The following KCNN2 variants were observed in gnomAD, a reference collection of about 807,000 sequenced individuals.
KCNN2 encodes potassium calcium-activated channel subfamily N member 2.
KCNN2 carries 24 observed loss-of-function variants against 55.5 expected under a neutral mutation model. That is an observed-to-expected ratio of 0.43 (90% confidence interval 0.31 to 0.61). KCNN2 has a LOEUF of 0.61. Ranked by LOEUF, KCNN2 falls within the 20% of genes least tolerant of loss-of-function variation. The probability of loss-of-function intolerance (pLI) is 0.08; values close to 1 mark genes in which losing one functional copy is unlikely to be tolerated. For synonymous variants in KCNN2, 431 were observed against 336.1 expected (o/e 1.28, Z -3.09); for missense variants, 754 against 853.6 (o/e 0.88, Z 1.45).
At chr5:114,383,435 C>T (rs899231186) in intron 2 of KCNN2, among the ~76,000 whole-genome samples, 1 of 147,092 alleles carries the variant, frequency 6.8e-6, no homozygotes, top group African/African-American at 2.5e-5. Context: ...AGGGAAGATG[C>T]TAGAAGACAT....
intron 1 of KCNN2, among the ~76,000 whole-genome samples, chr5:114,202,595 T>TA (rs1393302554): frequency 5.1e-5 from 7 of 137,368 alleles, no homozygotes; most frequent in African/African-American, 2.1e-4. Context: ...ATTTTTTTTT[T>TA]TTTTTTCCCG....
At chr5:114,418,383 G>A (rs191034234) in intron 3 of KCNN2, among the ~76,000 whole-genome samples, 22 of 152,302 alleles carry the variant, frequency 1.4e-4, no homozygotes, top group African/African-American at 4.6e-4. Flanking sequence ...TCACAGAAAC[G>A]TGACAGGCAT....
At chr5:114,291,954 T>C (rs537422781) in intron 2 of KCNN2, among the ~76,000 whole-genome samples, 170 of 152,358 alleles carry the variant, frequency 1.1e-3, no homozygotes, top group African/African-American at 4.0e-3. Context: ...ATGATGAGCA[T>C]TTTTTCATGT....
intron 1 of KCNN2, among the ~76,000 whole-genome samples, chr5:114,203,104 G>A (rs1363485122): frequency 6.6e-6 from 1 of 152,128 alleles, no homozygotes; most frequent in Non-Finnish European, 1.5e-5. Flanking sequence ...AAGATGCTGT[G>A]GAGCAGTGAA....
At chr5:114,489,623 C>T (rs921560192) in intron 6 of KCNN2, among the ~76,000 whole-genome samples, 4 of 152,176 alleles carry the variant, frequency 2.6e-5, no homozygotes, top group African/African-American at 7.2e-5. Flanking sequence ...GACATTTATA[C>T]TTCTAAAAGT....
At chr5:114,353,760 A>G (rs547289881) in intron 2 of KCNN2, among the ~76,000 whole-genome samples, 18 of 152,086 alleles carry the variant, frequency 1.2e-4, no homozygotes, top group Middle Eastern at 6.8e-3. Context: ...TGAATATACC[A>G]TCCCACTGCC....
intron 2 of KCNN2, among the ~76,000 whole-genome samples, chr5:114,289,885 G>A (rs190708710): frequency 2.1e-4 from 32 of 152,132 alleles, no homozygotes; most frequent in Non-Finnish European, 3.4e-4. Context: ...CATTTTCTTG[G>A]TTAAATTCAT....
At chr5:114,268,065 TA>T (rs1413303956) in intron 2 of KCNN2, among the ~76,000 whole-genome samples, 7 of 152,216 alleles carry the variant, frequency 4.6e-5, no homozygotes, top group Admixed American at 1.3e-4. Context: ...TGATGCTTCC[TA>T]AATCGCGTCA....
At chr5:114,077,720 G>T (rs1275237252) in intron 1 of KCNN2, among the ~76,000 whole-genome samples, 1 of 152,186 alleles carries the variant, frequency 6.6e-6, no homozygotes, top group Non-Finnish European at 1.5e-5. Flanking sequence ...CTTTGCAGAA[G>T]GCCCCAAGAG....
chr5:114,247,070 G>T (rs967951944), intron 2 of KCNN2, among the ~76,000 whole-genome samples: 3 of 151,416 alleles, frequency 2.0e-5, no homozygotes, highest in African/African-American at 7.3e-5. Flanking sequence ...TTGGGAGGCC[G>T]AGGCGGGCAG....
At chr5:114,227,814 T>C (rs993770266) in intron 2 of KCNN2, among the ~76,000 whole-genome samples, 2 of 152,070 alleles carry the variant, frequency 1.3e-5, no homozygotes, top group East Asian at 1.9e-4. Flanking sequence ...AAGGTTGCAG[T>C]GAAGAGTAAA....
intron 2 of KCNN2, among the ~76,000 whole-genome samples, chr5:114,386,592 C>T (rs1034844152): frequency 6.6e-6 from 1 of 152,186 alleles, no homozygotes; most frequent in South Asian, 2.1e-4. Context: ...TTAGTAGTAT[C>T]CTTAGGTTTG....
chr5:114,078,504 C>G lies in KCNN2; in HGVS notation c.-271+22004C>G, dbSNP rs77710577. Among the ~76,000 whole-genome samples the G allele has an allele frequency of 5.3e-3, 806 of 152,304 alleles. 9 individuals are homozygous for G. Among genetic ancestry groups the G allele is most frequent in the Middle Eastern group, 0.027 (8 of 294 alleles). The stretch of plus-strand genomic sequence containing the variant: ...CCATCCAGGATCCTTCCCTCACGCT[C>G]TGAGCCCTGATGAAGACAGATGATC... On this transcript the variant is annotated intron_variant, in intron 1 of 10. Coordinates refer to the KCNN2 transcript ENST00000512097.
chr5:114,423,450 G>A (rs1193590504), intron 3 of KCNN2, among the ~76,000 whole-genome samples: 4 of 152,092 alleles, frequency 2.6e-5, no homozygotes, highest in African/African-American at 4.8e-5. Flanking sequence ...TTCATAAGTT[G>A]CATTGCAATC....
intron 2 of KCNN2, among the ~76,000 whole-genome samples, chr5:114,295,123 G>T (rs1298962819): frequency 6.6e-6 from 1 of 152,178 alleles, no homozygotes; most frequent in African/African-American, 2.4e-5. Context: ...ACTGAGGGGT[G>T]CCTCCCAGTT....
chr5:114,109,637 A>C (rs1370464969), intron 1 of KCNN2, among the ~76,000 whole-genome samples: 2 of 152,054 alleles, frequency 1.3e-5, no homozygotes, highest in East Asian at 1.9e-4. Context: ...AAATTGGGAG[A>C]ACTCAGGTTT....
chr5:114,487,255 TAAGG>T, intron 6 of KCNN2, 78 bp downstream of exon 6: 7 of 1,328,896 alleles, frequency 5.3e-6, no homozygotes, highest in East Asian at 2.3e-5. Flanking sequence ...TCTTGTTTCA[TAAGG>T]AAGGAAAAAA....
chr5:114,101,753 A>G (rs1489223494), intron 1 of KCNN2, among the ~76,000 whole-genome samples: 1 of 152,128 alleles, frequency 6.6e-6, no homozygotes, highest in South Asian at 2.1e-4. Context: ...GTCCCTGAAG[A>G]AAACATGAAC....
chr5:114,163,974 G>T (rs1218292105), intron 1 of KCNN2, among the ~76,000 whole-genome samples: 1 of 152,064 alleles, frequency 6.6e-6, no homozygotes, highest in East Asian at 1.9e-4. Context: ...AGAATATTGA[G>T]ACCAGAAGAT....
Sources: allele counts gnomAD v4.1 joint callset (sites outside exome capture counted in the v4.1 genomes callset), GRCh38; gene constraint gnomAD v4.1.1; transcripts MANE v1.5; gene names NCBI Gene and HGNC (gene_info 2026-07-23, HGNC 2026-07-21).